Variants in MTHFS observed in about 807,000 individuals in gnomAD.
MTHFS encodes methenyltetrahydrofolate synthetase, also known as 5-formyltetrahydrofolate cyclo-ligase.
MTHFS carries 7 observed loss-of-function variants against 12.7 expected under a neutral mutation model. The ratio of observed to expected loss-of-function variants is 0.55; its 90% CI spans 0.31 to 1.03. The LOEUF is 1.03. MTHFS is among the 50% of genes least tolerant of loss of function. The pLI, the probability that MTHFS is intolerant of heterozygous loss-of-function variation, is 0.05. For synonymous variants in MTHFS, 100 were observed against 97.1 expected, an observed-to-expected ratio of 1.03 and a Z score of -0.18; for missense variants, 252 against 258.1, an observed-to-expected ratio of 0.98 and a Z score of 0.16.
At chr15:79,852,648 T>TACTA (rs1205715326) in intron 2 of MTHFS, among the ~76,000 whole-genome samples, 1 of 152,182 alleles carries the variant, frequency 6.6e-6, no homozygotes, top group African/African-American at 2.4e-5. Flanking sequence ...TTAACACAGA[T>TACTA]ACTAACATTT....
intron 1 of MTHFS, among the ~76,000 whole-genome samples, chr15:79,893,292 A>G (rs2034506810): frequency 6.6e-6 from 1 of 151,564 alleles, no homozygotes; most frequent in Non-Finnish European, 1.5e-5. Flanking sequence ...AATCCCAGCT[A>G]CTTGGGAGGC....
intron 2 of MTHFS, among the ~76,000 whole-genome samples, chr15:79,848,210 T>C (rs1478534665): frequency 6.6e-6 from 1 of 152,232 alleles, no homozygotes; most frequent in African/African-American, 2.4e-5. Context: ...TGGATAAGCC[T>C]GGAAGATATT....
rs374660349 is a variant in MTHFS at position 79,874,548 on chromosome 15, C to G, written c.379+14545G>C. Among the ~76,000 whole-genome samples the G allele has an allele frequency of 9.3e-4, 142 of 152,214 alleles. 5 individuals carry two copies. In the South Asian group the frequency reaches 0.028, roughly 30 times the overall value. The stretch of plus-strand genomic sequence containing the variant: ...ACTTGATCTGACTCATAGCTCTCTC[C>G]ATGCAAAAAGCCCTAGCCCTAGGAC... On this transcript the variant is annotated intron_variant, in intron 2 of 2. Transcript: ENST00000258874.
At position 79,863,765 on chromosome 15, in the gene MTHFS, T is replaced by C. The variant is rs1397430836; in HGVS notation, c.380-18323A>G. On this transcript the variant is annotated intron_variant, in intron 2 of 2. Coordinates refer to ENST00000258874, the MANE Select transcript of MTHFS (RefSeq NM_006441.4). ...AAGCTTGAGATACCAGGCAGGACCA[T>C]ATGGCATATGCGGCAGGATCTGTCC... 3.9e-5 allele frequency among the ~76,000 whole-genome samples: 6 copies of C among 152,298 alleles called. No individual in the cohort carries two copies. The East Asian group carries it at 1.2e-3, about 29-fold the overall frequency.
chr15:79,885,777 A>C (rs950743462), intron 2 of MTHFS, among the ~76,000 whole-genome samples: 32 of 152,260 alleles, frequency 2.1e-4, no homozygotes, highest in African/African-American at 7.5e-4. Context: ...CATGGAACCT[A>C]GAGCTGCTAT....
At chr15:79,861,823 G>C (rs1566990233) in intron 2 of MTHFS, among the ~76,000 whole-genome samples, 1 of 152,044 alleles carries the variant, frequency 6.6e-6, no homozygotes, top group Non-Finnish European at 1.5e-5. Flanking sequence ...TGAAAAAGTA[G>C]GATGCAAAAC....
In MTHFS at chr15:79,889,186, C is replaced by G; in HGVS notation, c.286G>C (p.Glu96Gln). The G allele has an allele frequency of 6.2e-7, 1 of 1,614,198 alleles. No individual in the cohort carries two copies. Among genetic ancestry groups the G allele is most frequent in the Non-Finnish European group, 8.5e-7 (1 of 1,180,032 alleles). ...QSNHMDMVRI[E>Q]SPEEISLLPK... is the part of the protein sequence containing the mutation. Reference sequence around the variant, plus strand: ...AGTAAAGAAATTTCCTCTGGTGATTCTATTCTCACCATATCCATGTGATTG... The same window carrying G: ...AGTAAAGAAATTTCCTCTGGTGATTGTATTCTCACCATATCCATGTGATTG... The change falls in exon 2 of 3, where the codon GAA (glutamate) becomes CAA (glutamine). Residue 96 changes from glutamate (E) to glutamine (Q), a missense_variant. By Grantham distance (29) the Glu-to-Gln change is conservative (BLOSUM62 2). Transcript: ENST00000258874.
chr15:79,846,001 G>T (rs1002259200), intron 2 of MTHFS, among the ~76,000 whole-genome samples: 3 of 152,170 alleles, frequency 2.0e-5, no homozygotes, highest in African/African-American at 7.2e-5. Flanking sequence ...GTGAGAGCAG[G>T]CTTTGACCTA....
chr15:79,864,417 C>A (rs915793790), intron 2 of MTHFS, among the ~76,000 whole-genome samples: 2 of 151,616 alleles, frequency 1.3e-5, no homozygotes, highest in Non-Finnish European at 2.9e-5. Context: ...TGGTGGTACG[C>A]GCCCATAGTC....
chr15:79,893,008 A>C lies in MTHFS; in HGVS notation c.118-3654T>G, dbSNP rs546751351. On this transcript the variant is annotated intron_variant, in intron 1 of 2. Coordinates refer to ENST00000258874, the MANE Select transcript of MTHFS (RefSeq NM_006441.4). ...ATTCAGTGCTTTACATATTTTTGTA[A>C]ATACTGTTTACTGTAAATACAATTT... 2.6e-5 allele frequency among the ~76,000 whole-genome samples: 4 copies of C among 152,320 alleles called. No homozygotes were observed. The East Asian group carries it at 7.7e-4, about 29-fold the overall frequency.
intron 2 of MTHFS, among the ~76,000 whole-genome samples, chr15:79,855,160 C>T (rs191550106): frequency 2.2e-4 from 33 of 152,258 alleles, no homozygotes; most frequent in Middle Eastern, 3.4e-3. Context: ...TACTTTACAG[C>T]TTCTGCCATA....
intron 2 of MTHFS, among the ~76,000 whole-genome samples, chr15:79,868,552 G>A (rs997522147): frequency 1.3e-5 from 2 of 152,212 alleles, no homozygotes; most frequent in African/African-American, 4.8e-5. Context: ...AGTGTTTTAG[G>A]ATGAGATTAA....
At chr15:79,861,763 C>T (rs2141351027) in intron 2 of MTHFS, among the ~76,000 whole-genome samples, 1 of 152,214 alleles carries the variant, frequency 6.6e-6, no homozygotes, top group Middle Eastern at 3.4e-3. Context: ...AAACACTATG[C>T]TAAATCTATA....
At chr15:79,895,113 C>G (rs1176573067) in intron 1 of MTHFS, among the ~76,000 whole-genome samples, 1 of 152,186 alleles carries the variant, frequency 6.6e-6, no homozygotes, top group Non-Finnish European at 1.5e-5. Context: ...AGACAAGGAA[C>G]CAAAGGTTCT....
At chr15:79,847,636 C>G (rs577248116) in intron 2 of MTHFS, among the ~76,000 whole-genome samples, 1 of 137,716 alleles carries the variant, frequency 7.3e-6, no homozygotes, top group African/African-American at 2.7e-5. Flanking sequence ...CGCCACTGCA[C>G]TCCAGCCTGG....
At chr15:79,862,028 A>G (rs2033924484) in intron 2 of MTHFS, among the ~76,000 whole-genome samples, 1 of 152,112 alleles carries the variant, frequency 6.6e-6, no homozygotes, top group African/African-American at 2.4e-5. Context: ...GATGGCATGT[A>G]ATTACTTTTA....
At chr15:79,874,063 A>T (rs1290916101) in intron 2 of MTHFS, among the ~76,000 whole-genome samples, 1 of 152,242 alleles carries the variant, frequency 6.6e-6, no homozygotes, top group Non-Finnish European at 1.5e-5. Flanking sequence ...ACTCACAGAC[A>T]GATCAATCAG....
At chr15:79,863,596 C>T (rs1243052122) in intron 2 of MTHFS, among the ~76,000 whole-genome samples, 1 of 152,214 alleles carries the variant, frequency 6.6e-6, no homozygotes, top group Non-Finnish European at 1.5e-5. Context: ...CCCACCGCAA[C>T]ACCACATTTC....
intron 2 of MTHFS, among the ~76,000 whole-genome samples, chr15:79,881,703 A>G (rs1029152180): frequency 2.0e-5 from 3 of 152,202 alleles, no homozygotes; most frequent in Non-Finnish European, 4.4e-5. Flanking sequence ...TACCTGTTCC[A>G]TGAATAACGG....
Sources: gnomAD v4.1 joint callset for allele counts (sites outside exome capture counted in the v4.1 genomes callset) on GRCh38, gnomAD v4.1.1 for gene constraint, MANE v1.5 for transcripts, NCBI Gene and HGNC (gene_info 2026-07-23, HGNC 2026-07-21) for gene names.